The following KIF21B variants were observed in gnomAD, a reference collection of about 807,000 sequenced individuals.
The protein encoded by KIF21B is kinesin-like protein KIF21B.
Under a neutral mutation model 192.9 loss-of-function variants are expected in KIF21B, and 85 were observed. That is an observed-to-expected ratio of 0.44 (90% confidence interval 0.37 to 0.53). The LOEUF is 0.53. Among genes scored for constraint, KIF21B ranks in the 20% least tolerant of loss-of-function variants. The pLI, the probability that KIF21B is intolerant of heterozygous loss-of-function variation, is 0.00. For missense variants in KIF21B, 1,716 were observed against 2,194.8 expected, an observed-to-expected ratio of 0.78 and a Z score of 4.36; for synonymous variants, 832 against 884.6, an observed-to-expected ratio of 0.94 and a Z score of 1.05.
chr1:201,005,787 G>A (rs1245616817), intron 3 of KIF21B, 93 bp from the exon 4 acceptor site: 7 of 1,325,574 alleles, frequency 5.3e-6, no homozygotes, highest in Non-Finnish European at 3.1e-6. Context: ...TTTTACAGAT[G>A]TGGAAACTGA....
rs1655473490 is a variant in KIF21B at position 200,975,323 on chromosome 1, GGAA to G, written c.4614+173_4614+175del. On this transcript the variant is annotated intron_variant, in intron 33 of 34. Transcript: ENST00000461742. The surrounding 1 kb of genome is among the most constrained non-coding windows in gnomAD (Gnocchi z 4.3). The stretch of plus-strand genomic sequence containing the variant: ...TGGCATCAGGAGAGGCCGCGGGTAG[GGAA>G]GAAGGGAGGATGGAGACAGAGGAGG... 6.6e-6 allele frequency among the ~76,000 whole-genome samples: 1 copy of G among 152,198 alleles called. No individual in the cohort carries two copies. Among genetic ancestry groups the G allele is most frequent in the African/African-American group, 2.4e-5 (1 of 41,444 alleles).
intron 21 of KIF21B, among the ~76,000 whole-genome samples, chr1:200,989,441 G>A (rs576699301): frequency 3.8e-4 from 58 of 152,182 alleles, no homozygotes; most frequent in Admixed American, 1.1e-3. Flanking sequence ...GAGACCACAG[G>A]CCCCAGGAGG....
rs945527383 is a variant in KIF21B, at chr1:200,970,938, C to G, written c.*2583G>C. 3 of 152,744 alleles carry G rather than the reference C, an allele frequency of 2.0e-5. No individual in the cohort carries two copies. The highest frequency in any genetic ancestry group is 2.9e-5 in the Non-Finnish European group (2 of 68,110). 9.5% of individuals were successfully genotyped at this position (152,744 alleles called of 1,614,324 possible). Reference sequence around the variant, plus strand: ...AATTAGGACAAGCCATGAGCCAAGGCCTGGTCTGAGCAAGGGCAGCCCCCT... The same window carrying G: ...AATTAGGACAAGCCATGAGCCAAGGGCTGGTCTGAGCAAGGGCAGCCCCCT... On this transcript the variant is annotated 3_prime_UTR_variant, in exon 35 of 35. Transcript: ENST00000461742.
chr1:200,991,052 G>A lies in KIF21B; in HGVS notation c.2552C>T (p.Ser851Leu), dbSNP rs149878626. The stretch of plus-strand genomic sequence containing the variant: ...AGCCTCAGATGAGGTAGTGCTGGCC[G>A]ACACCTCAGCCCCAGAGTCCAGCAT... ...PPMLDSGAEV[S>L]ASTTSSEAES... Residue 851 changes from serine (S) to leucine (L), a missense_variant, in exon 18 of 35, where the codon TCG (serine) becomes TTG (leucine). Ser to Leu is a moderately radical substitution (Grantham distance 145, BLOSUM62 -2). Transcript: ENST00000461742. 5.6e-6 allele frequency: 9 copies of A among 1,614,026 alleles called. No homozygotes were observed. The highest frequency in any genetic ancestry group is 2.2e-5 in the South Asian group (2 of 91,086).
At chr1:201,002,403 G>GT (rs1281311041) in intron 8 of KIF21B, 53 bp from the exon 9 acceptor site, 2 of 1,545,030 alleles carry the variant, frequency 1.3e-6, no homozygotes, top group East Asian at 4.5e-5. Context: ...GCGGTTGGGG[G>GT]GGTAAGGGGC....
At chr1:201,007,541 C>T (rs1402296996) in intron 3 of KIF21B, among the ~76,000 whole-genome samples, 1 of 150,878 alleles carries the variant, frequency 6.6e-6, no homozygotes, top group African/African-American at 2.4e-5. Flanking sequence ...GACACACACA[C>T]AGACACCCAC....
rs1656597081 is a variant in KIF21B, at chr1:200,990,267, C to A, written c.2901G>T (p.Glu967Asp). 6.2e-7 allele frequency: 1 copy of A among 1,613,732 alleles called. No individual in the cohort carries two copies. Among genetic ancestry groups the A allele is most frequent in the Non-Finnish European group, 8.5e-7 (1 of 1,179,938 alleles). ...LRRKRERLQA[E>D]SPEEEKGLQE... ...GCAGCCCCTTCTCTTCCTCGGGGCT[C>A]TCAGCCTGCAGCCGCTCCCGCTTCC... Residue 967 changes from glutamate to aspartate, a missense_variant, in exon 20 of 35, where the codon GAG becomes GAT. By Grantham distance (45) the Glu-to-Asp change is conservative. Around this residue, in one of 3 missense-constraint regions of KIF21B, gnomAD observed 1,087 missense variants for 1,316.6 expected, o/e 0.83. Coordinates refer to ENST00000461742, the MANE Select transcript of KIF21B (RefSeq NM_001252102.2). This position sits in a 1 kb window ranked among gnomAD's most constrained non-coding sequence, Gnocchi z 5.4.
rs1452561321 is a variant in KIF21B at position 200,988,902 on chromosome 1, C to T, written c.3162G>A (p.Gln1054=). 24 of 1,612,154 alleles carry T rather than the reference C, an allele frequency of 1.5e-5. No homozygotes were observed. The highest frequency in any genetic ancestry group is 2.0e-5 in the Non-Finnish European group (23 of 1,179,280). Residue 1054 remains glutamine, a synonymous_variant, in exon 22 of 35, where the codon CAG becomes CAA. Transcript: ENST00000461742. The part of the protein sequence containing the change: ...KGLQVAQKEA[Q]IRLLEGRLRQ... ...TCAGTCGGCCCTCCAACAGCCGGATCTGGGCTTCCTTTTGTGCCACTTGCA... is the reference window on the plus strand; with the variant it reads ...TCAGTCGGCCCTCCAACAGCCGGATTTGGGCTTCCTTTTGTGCCACTTGCA...
intron 15 of KIF21B, among the ~76,000 whole-genome samples, chr1:200,995,946 A>AACACG (rs1167811554): frequency 6.6e-6 from 1 of 152,092 alleles, no homozygotes; most frequent in Non-Finnish European, 1.5e-5. Context: ...ACCTGCCCTG[A>AACACG]ACACGACCCC....
chr1:200,979,537 G>A lies in KIF21B; in HGVS notation c.4158C>T (p.Leu1386=), dbSNP rs1360762187. The change falls in exon 30 of 35, where the codon CTC becomes CTT. Residue 1386 remains leucine, a splice_region_variant and synonymous_variant. Coordinates refer to ENST00000461742, the MANE Select transcript of KIF21B (RefSeq NM_001252102.2). ...TGAGGCAGGCGGGGGTTACTCACGT[G>A]AGAGTCCGAATGCACTTGGCTGAGT... ...IRDSAKCIRT[L]TSSGQVISGD... 1 of 1,542,692 alleles carries A rather than the reference G, an allele frequency of 6.5e-7. No individual in the cohort carries two copies. The highest frequency in any genetic ancestry group is 8.7e-7 in the Non-Finnish European group (1 of 1,143,224).
At position 200,973,442 on chromosome 1, in the gene KIF21B, CG is replaced by C. The variant is rs763936315; in HGVS notation, c.*78del. The C allele has an allele frequency of 2.0e-5, 27 of 1,374,784 alleles. No individual in the cohort carries two copies. The East Asian group carries it at 6.7e-4, about 34-fold the overall frequency. The allele number at this position is 1,374,784 out of a possible 1,614,324, so 85.2% of individuals were successfully genotyped here. Reference sequence around the variant, plus strand: ...CTGTCCCCAGAGCAGCTGGCCCCATCGGCCGGGTCACAGCTTCCCTTCCATG... The same window carrying C: ...CTGTCCCCAGAGCAGCTGGCCCCATCGCCGGGTCACAGCTTCCCTTCCATG... On this transcript the variant is annotated 3_prime_UTR_variant, in exon 35 of 35. Coordinates refer to ENST00000461742, the MANE Select transcript of KIF21B (RefSeq NM_001252102.2).
chr1:200,998,321 G>T lies in KIF21B; in HGVS notation c.2077+63C>A. 1 of 1,495,708 alleles carries T rather than the reference G, an allele frequency of 6.7e-7. No homozygotes were observed. The allele number at this position is 1,495,708 out of a possible 1,614,324, so 92.7% of individuals were successfully genotyped here. On this transcript the variant is annotated intron_variant, in intron 14 of 34. Coordinates refer to ENST00000461742, the MANE Select transcript of KIF21B (RefSeq NM_001252102.2). This position sits in a 1 kb window ranked among gnomAD's most constrained non-coding sequence, Gnocchi z 4.3. ...CCCAACACACCAGCTGCTTTTGACA[G>T]AGGAGGGGCTCAGGGAAAAGGGAGG...
rs150759147 is a variant in KIF21B at position 200,979,616 on chromosome 1, G to A, written c.4079C>T (p.Ser1360Leu). Residue 1360 changes from serine to leucine, a missense_variant, in exon 30 of 35, where the codon TCG (serine) becomes TTG (leucine). Physicochemically the swap from Ser to Leu is moderately radical, Grantham distance 145. Transcript: ENST00000461742. Reference protein sequence around the residue: ...NVVSIKYCSHSGLVFSVSTSY... With the variant: ...NVVSIKYCSHLGLVFSVSTSY... The stretch of plus-strand genomic sequence containing the variant: ...GGTGGACACGGAGAACACAAGCCCC[G>A]AGTGGCTGCAGTACTTGATGGAGAC... 2.4e-5 allele frequency: 39 copies of A among 1,592,002 alleles called. No individual in the cohort carries two copies. The highest frequency in any genetic ancestry group is 1.7e-4 in the Middle Eastern group (1 of 6,050).
chr1:201,019,449 T>TG (rs573101760), intron 1 of KIF21B, among the ~76,000 whole-genome samples: 309 of 152,268 alleles, frequency 2.0e-3, no homozygotes, highest in Non-Finnish European at 3.7e-3. Flanking sequence ...ACGAAGCCAG[T>TG]GGATGAATTG....
rs1321292382 is a variant in KIF21B, at chr1:200,998,490, C to G, written c.1971G>C (p.Gln657His). The G allele has an allele frequency of 1.9e-6, 3 of 1,614,112 alleles. No individual in the cohort carries two copies. The highest frequency in any genetic ancestry group is 1.7e-6 in the Non-Finnish European group (2 of 1,180,036). ...QKLIDELENS[Q>H]RRLQTLKHQY... ...GGTGCTTGAGCGTCTGCAACCGCCGCTGGCTGTTCTCCAGCTCGTCGATCA... is the reference window on the plus strand; with the variant it reads ...GGTGCTTGAGCGTCTGCAACCGCCGGTGGCTGTTCTCCAGCTCGTCGATCA... Residue 657 changes from glutamine to histidine, a missense_variant, in exon 14 of 35, where the codon CAG becomes CAC. Coordinates refer to ENST00000461742, the MANE Select transcript of KIF21B (RefSeq NM_001252102.2). The surrounding 1 kb of genome is among the most constrained non-coding windows in gnomAD (Gnocchi z 4.3).
At position 201,000,266 on chromosome 1, in the gene KIF21B, C is replaced by A; in HGVS notation, c.1685+124G>T. On this transcript the variant is annotated intron_variant, in intron 11 of 34. Coordinates refer to ENST00000461742, the MANE Select transcript of KIF21B (RefSeq NM_001252102.2). The surrounding 1 kb of genome is among the most constrained non-coding windows in gnomAD (Gnocchi z 6.0). ...ATTCCCAAGCAATACTGAGGCAGCCCCTGGGGCTGGGGGCGTGGAGGTTCC... is the reference window on the plus strand; with the variant it reads ...ATTCCCAAGCAATACTGAGGCAGCCACTGGGGCTGGGGGCGTGGAGGTTCC... 1 of 1,034,470 alleles carries A rather than the reference C, an allele frequency of 9.7e-7. No individual in the cohort carries two copies. Among genetic ancestry groups the A allele is most frequent in the South Asian group, 1.6e-5 (1 of 64,140 alleles). 64.1% of individuals were successfully genotyped at this position (1,034,470 alleles called of 1,614,324 possible).
chr1:200,971,203 A>G lies in KIF21B; in HGVS notation c.*2318T>C, dbSNP rs1477165300. On this transcript the variant is annotated 3_prime_UTR_variant, in exon 35 of 35. Coordinates refer to ENST00000461742, the MANE Select transcript of KIF21B (RefSeq NM_001252102.2). Reference sequence around the variant, plus strand: ...AGAGAATCCAACTCTCATGAAGCACAACTCGGGGTGTCTCATGGATGTTGG... The same window carrying G: ...AGAGAATCCAACTCTCATGAAGCACGACTCGGGGTGTCTCATGGATGTTGG... 6.5e-6 allele frequency: 1 copy of G among 152,794 alleles called. No homozygotes were observed. The highest frequency in any genetic ancestry group is 1.5e-5 in the Non-Finnish European group (1 of 68,044). 9.5% of individuals were successfully genotyped at this position (152,794 alleles called of 1,614,324 possible).
At position 200,999,133 on chromosome 1, in the gene KIF21B, G is replaced by A. The variant is rs377173282; in HGVS notation, c.1885+216C>T. 2.6e-5 allele frequency among the ~76,000 whole-genome samples: 4 copies of A among 152,138 alleles called. No homozygotes were observed. The highest frequency in any genetic ancestry group is 6.5e-5 in the Admixed American group (1 of 15,274). ...CAGTGAAGACTGAAAGAACCTAGCCGCTCAAAGGGTTAAGGTAAGCACAGT... is the reference window on the plus strand; with the variant it reads ...CAGTGAAGACTGAAAGAACCTAGCCACTCAAAGGGTTAAGGTAAGCACAGT... On this transcript the variant is annotated intron_variant, in intron 13 of 34. Transcript: ENST00000461742. The surrounding 1 kb of genome is among the most constrained non-coding windows in gnomAD (Gnocchi z 4.7).
In KIF21B at chr1:200,987,958, A is replaced by C. The variant is rs143057348; in HGVS notation, c.3408+338T>G. ...ACCAGACATTTAGAGGTAGGTTTTGACTTAGAGTGTGAGGCAGAATCATGG... is the reference window on the plus strand; with the variant it reads ...ACCAGACATTTAGAGGTAGGTTTTGCCTTAGAGTGTGAGGCAGAATCATGG... On this transcript the variant is annotated intron_variant, in intron 24 of 34. Transcript: ENST00000461742. 1.8e-4 allele frequency among the ~76,000 whole-genome samples: 27 copies of C among 152,296 alleles called. 1 individual carries two copies. The East Asian group carries it at 5.2e-3, about 29-fold the overall frequency.
Sources: allele counts gnomAD v4.1 joint callset (sites outside exome capture counted in the v4.1 genomes callset), GRCh38; gene constraint gnomAD v4.1.1; regional missense constraint gnomAD v4.1.1; non-coding constraint Gnocchi (gnomAD v3.1); transcripts MANE v1.5; gene names NCBI Gene and HGNC (gene_info 2026-07-23, HGNC 2026-07-21).